Variants in LOC128462377 observed in about 807,000 individuals in gnomAD.
At chr16:89,384,544 T>TGGGATGGGATGGGAATGGGAC in the LOC128462377 span, among the ~76,000 whole-genome samples, 1 of 141,740 alleles carries the variant, frequency 7.1e-6, no homozygotes, top group Non-Finnish European at 1.6e-5. Context: ...GGGACTGGGA[T>TGGGATGGGATGGGAATGGGAC]GGGATGGGAT....
At chr16:89,344,599 A>C in the LOC128462377 span, among the ~76,000 whole-genome samples, 1 of 152,234 alleles carries the variant, frequency 6.6e-6, no homozygotes, top group Non-Finnish European at 1.5e-5. Flanking sequence ...CCCACAATGC[A>C]AGCGTCCGGG....
At chr16:89,339,764 A>G in the LOC128462377 span, 1 of 152,242 alleles carries the variant, frequency 6.6e-6, no homozygotes, top group Non-Finnish European at 1.5e-5. Context: ...ATTACAAATT[A>G]CATAATGGTT....
At chr16:89,399,299 T>G in the LOC128462377 span, among the ~76,000 whole-genome samples, 1 of 151,578 alleles carries the variant, frequency 6.6e-6, no homozygotes, top group Non-Finnish European at 1.5e-5. Flanking sequence ...CACTCATAGG[T>G]GAGTGGATTA....
chr16:89,392,139 T>C, the LOC128462377 span, among the ~76,000 whole-genome samples: 4 of 152,174 alleles, frequency 2.6e-5, no homozygotes, highest in East Asian at 1.9e-4. Flanking sequence ...ACACAGCAGT[T>C]GGTATAAAAA....
the LOC128462377 span, among the ~76,000 whole-genome samples, chr16:89,408,298 C>T: frequency 6.6e-6 from 1 of 152,380 alleles, no homozygotes; most frequent in Non-Finnish European, 1.5e-5. Context: ...TCACTTTAGC[C>T]TTGGGCTACC....
chr16:89,341,548 A>G, the LOC128462377 span, among the ~76,000 whole-genome samples: 1 of 152,150 alleles, frequency 6.6e-6, no homozygotes, highest in East Asian at 1.9e-4. Context: ...GAAAGCTGTA[A>G]ATAGAGGATA....
the LOC128462377 span, among the ~76,000 whole-genome samples, chr16:89,404,518 T>A: frequency 1.3e-5 from 2 of 152,190 alleles, no homozygotes; most frequent in African/African-American, 4.8e-5. Flanking sequence ...AGCCAACAGT[T>A]TGAAGGGTAT....
the LOC128462377 span, among the ~76,000 whole-genome samples, chr16:89,353,944 A>C: frequency 6.6e-6 from 1 of 152,246 alleles, no homozygotes; most frequent in Non-Finnish European, 1.5e-5. Flanking sequence ...GGCGGCGGGC[A>C]GAGATGGAGA....
At chr16:89,358,414 AC>A in the LOC128462377 span, among the ~76,000 whole-genome samples, 2 of 152,244 alleles carry the variant, frequency 1.3e-5, no homozygotes, top group African/African-American at 4.8e-5. Flanking sequence ...CACGTGGATA[AC>A]TGCCTATATT....
At chr16:89,322,759 G>C in the LOC128462377 span, among the ~76,000 whole-genome samples, 1 of 152,240 alleles carries the variant, frequency 6.6e-6, no homozygotes, top group African/African-American at 2.4e-5. Flanking sequence ...CGTCGGCCCT[G>C]GGCACAGCCC....
At chr16:89,400,107 A>C in the LOC128462377 span, among the ~76,000 whole-genome samples, 6 of 21,668 alleles carry the variant, frequency 2.8e-4, no homozygotes, top group African/African-American at 1.1e-3. Flanking sequence ...GCGCTGGGGG[A>C]CGGTCATCTG....
chr16:89,372,402 G>A, the LOC128462377 span, among the ~76,000 whole-genome samples: 7 of 152,108 alleles, frequency 4.6e-5, no homozygotes, highest in African/African-American at 9.7e-5. Flanking sequence ...CTCACAGCAC[G>A]GACGGGGTCG....
the LOC128462377 span, chr16:89,360,736 G>A: frequency 6.6e-6 from 1 of 152,338 alleles, no homozygotes; most frequent in Middle Eastern, 3.4e-3. Context: ...GTGTGTGTCT[G>A]TCATGTGGCT....
chr16:89,368,686 T>C, the LOC128462377 span, among the ~76,000 whole-genome samples: 8 of 150,438 alleles, frequency 5.3e-5, no homozygotes, highest in East Asian at 1.9e-4. Context: ...AGTGCTATAA[T>C]TGCTTCAGCC....
At chr16:89,349,374 G>A in the LOC128462377 span, among the ~76,000 whole-genome samples, 4 of 151,740 alleles carry the variant, frequency 2.6e-5, no homozygotes, top group Non-Finnish European at 5.9e-5. Context: ...CAGCTACTTG[G>A]AAGGCTGAGG....
At chr16:89,350,912 G>A in the LOC128462377 span, among the ~76,000 whole-genome samples, 3 of 152,120 alleles carry the variant, frequency 2.0e-5, no homozygotes, top group African/African-American at 4.8e-5. Context: ...TTCTTTCCAC[G>A]ATTCAGCAGG....
the LOC128462377 span, among the ~76,000 whole-genome samples, chr16:89,337,165 AACAGAGT>A: frequency 6.6e-6 from 1 of 152,030 alleles, no homozygotes; most frequent in South Asian, 2.1e-4. Context: ...CACCCTGGGC[AACAGAGT>A]GAGACCCTGT....
the LOC128462377 span, among the ~76,000 whole-genome samples, chr16:89,380,758 C>T: frequency 3.3e-5 from 5 of 152,212 alleles, no homozygotes; most frequent in African/African-American, 9.7e-5. Flanking sequence ...CTGGAGGCCT[C>T]GTGGGGCATC....
At chr16:89,394,640 A>C in the LOC128462377 span, among the ~76,000 whole-genome samples, 10 of 151,942 alleles carry the variant, frequency 6.6e-5, no homozygotes, top group Non-Finnish European at 1.3e-4. Context: ...AAAAAAAAAA[A>C]AACAAACAAC....
Sources: allele counts gnomAD v4.1 joint callset (sites outside exome capture counted in the v4.1 genomes callset), GRCh38; gene constraint gnomAD v4.1.1; transcripts MANE v1.5.